Variants in SLC4A4 observed in about 807,000 individuals in gnomAD.
SLC4A4 encodes the protein solute carrier family 4 member 4, also known as electrogenic sodium bicarbonate cotransporter 1.
Under a neutral mutation model 111.5 loss-of-function variants are expected in SLC4A4, and 27 were observed. That is an observed-to-expected ratio of 0.24 (90% CI 0.18 to 0.33). The LOEUF is 0.33. Ranked by LOEUF, SLC4A4 falls within the 10% of genes least tolerant of loss-of-function variation. SLC4A4 has a pLI of 1.00. For synonymous variants in SLC4A4, 443 were observed against 463.4 expected, an observed-to-expected ratio of 0.96 and a Z score of 0.57; for missense variants, 909 against 1,315.5, an observed-to-expected ratio of 0.69 and a Z score of 4.78.
At chr4:71,181,190 G>A (rs1745280770) in intron 2 of SLC4A4, among the ~76,000 whole-genome samples, 1 of 124,574 alleles carries the variant, frequency 8.0e-6, no homozygotes, top group African/African-American at 3.0e-5. Flanking sequence ...ACAGGAAGGG[G>A]AACATCACAC....
intron 4 of SLC4A4, among the ~76,000 whole-genome samples, chr4:71,348,382 G>C (rs986064451): frequency 3.3e-5 from 5 of 151,418 alleles, no homozygotes; most frequent in Non-Finnish European, 5.9e-5. Flanking sequence ...GTTTTGGAAT[G>C]TGTCACAGCT....
At chr4:71,370,449 GA>G (rs1198058407) in intron 6 of SLC4A4, among the ~76,000 whole-genome samples, 2 of 152,098 alleles carry the variant, frequency 1.3e-5, no homozygotes, top group African/African-American at 4.8e-5. Context: ...GCCTCTTGGG[GA>G]AAAAAATTTC....
chr4:71,567,387 GTTC>G (rs1737582611), intron 25 of SLC4A4, among the ~76,000 whole-genome samples: 1 of 151,696 alleles, frequency 6.6e-6, no homozygotes, highest in Non-Finnish European at 1.5e-5. Context: ...CTTTCTGACA[GTTC>G]TTCTCCAGTG....
intron 6 of SLC4A4, among the ~76,000 whole-genome samples, chr4:71,381,768 G>A (rs1431607247): frequency 1.3e-5 from 2 of 152,118 alleles, no homozygotes; most frequent in African/African-American, 4.8e-5. Flanking sequence ...CCAGGCTGGA[G>A]TGAGGTGGTG....
chr4:71,264,326 T>C (rs1041869990), intron 3 of SLC4A4, among the ~76,000 whole-genome samples: 7 of 152,176 alleles, frequency 4.6e-5, no homozygotes, highest in Non-Finnish European at 1.0e-4. Flanking sequence ...CTGATGGTGA[T>C]GGTATTGTTA....
chr4:71,522,176 C>G (rs1159114568), intron 16 of SLC4A4, among the ~76,000 whole-genome samples: 1 of 152,168 alleles, frequency 6.6e-6, no homozygotes, highest in Non-Finnish European at 1.5e-5. Flanking sequence ...GTGTATCAGT[C>G]TGTTATCCCA....
intron 8 of SLC4A4, among the ~76,000 whole-genome samples, chr4:71,442,204 C>T (rs1310119108): frequency 2.0e-5 from 3 of 152,182 alleles, no homozygotes; most frequent in African/African-American, 7.2e-5. Flanking sequence ...AATACGCATT[C>T]ATTGAGAGCA....
Position 71,400,977 on chromosome 4 carries a change from C to T in SLC4A4, c.807+3324C>T, listed in dbSNP as rs551073578. ...ACTCAAACTTGTCTTGTGTACTTGTCCAAGTTGGCCCCAAAAACTTCCATT... is the reference window on the plus strand; with the variant it reads ...ACTCAAACTTGTCTTGTGTACTTGTTCAAGTTGGCCCCAAAAACTTCCATT... On this transcript the variant is annotated intron_variant, in intron 7 of 25. Coordinates refer to ENST00000264485, the MANE Select transcript of SLC4A4 (RefSeq NM_001098484.3). Among the ~76,000 whole-genome samples the T allele has an allele frequency of 4.6e-5, 7 of 152,218 alleles. No homozygotes were observed. In the South Asian group the frequency reaches 1.5e-3, roughly 32 times the overall value.
intron 2 of SLC4A4, among the ~76,000 whole-genome samples, chr4:71,169,531 C>T (rs964672769): frequency 8.5e-5 from 13 of 152,064 alleles, no homozygotes; most frequent in African/African-American, 2.7e-4. Context: ...ATCTTTTGCC[C>T]ATTTTTAAAT....
intron 16 of SLC4A4, among the ~76,000 whole-genome samples, chr4:71,511,600 A>T (rs1300561276): frequency 6.6e-6 from 1 of 151,996 alleles, no homozygotes; most frequent in Non-Finnish European, 1.5e-5. Flanking sequence ...TATGTGTGAG[A>T]TTTTGTTATA....
chr4:71,213,518 T>C lies in SLC4A4; in HGVS notation c.-1-23058T>C, dbSNP rs1718254100. Among the ~76,000 whole-genome samples the C allele has an allele frequency of 4.6e-5, 7 of 152,314 alleles. No individual in the cohort carries two copies. The South Asian group carries it at 1.5e-3, about 32-fold the overall frequency. On this transcript the variant is annotated intron_variant, in intron 1 of 25. Transcript: ENST00000264485. ...TTTTCATGGCATACTAATTGCTCTT[T>C]ATTAAGAGTCATTTCTGTGGCTGTC...
intron 14 of SLC4A4, among the ~76,000 whole-genome samples, chr4:71,481,449 C>T (rs1728873816): frequency 6.6e-6 from 1 of 151,608 alleles, no homozygotes; most frequent in South Asian, 2.1e-4. Context: ...CAGATACTCC[C>T]CTATGCAAGA....
chr4:71,302,365 T>A lies in SLC4A4; in HGVS notation c.254-37005T>A, dbSNP rs75067910. 1.1e-4 allele frequency among the ~76,000 whole-genome samples: 16 copies of A among 152,340 alleles called. 1 individual carries two copies. The East Asian group carries it at 3.1e-3, about 29-fold the overall frequency. On this transcript the variant is annotated intron_variant, in intron 3 of 25. Transcript: ENST00000264485. ...TTACTTATAAAATGATATTTCTATATAACTTAAAAGGTCCCTTCCAGACCT... is the reference window on the plus strand; with the variant it reads ...TTACTTATAAAATGATATTTCTATAAAACTTAAAAGGTCCCTTCCAGACCT...
chr4:71,409,364 A>C (rs1721155283), intron 7 of SLC4A4, among the ~76,000 whole-genome samples: 1 of 152,204 alleles, frequency 6.6e-6, no homozygotes, highest in Non-Finnish European at 1.5e-5. Flanking sequence ...TATGAACAAT[A>C]AGGTTCAGGC....
chr4:71,522,597 C>T (rs1733054258), intron 16 of SLC4A4, among the ~76,000 whole-genome samples: 1 of 152,182 alleles, frequency 6.6e-6, no homozygotes, highest in Admixed American at 6.5e-5. Flanking sequence ...GATATAGTCA[C>T]ATTCAGTGTG....
chr4:71,484,419 A>G lies in SLC4A4; in HGVS notation c.1904-2529A>G, dbSNP rs571376008. Among the ~76,000 whole-genome samples the G allele has an allele frequency of 2.6e-5, 4 of 151,924 alleles. No individual in the cohort carries two copies. In the East Asian group the frequency reaches 7.8e-4, roughly 30 times the overall value. On this transcript the variant is annotated intron_variant, in intron 14 of 25. Coordinates refer to ENST00000264485, the MANE Select transcript of SLC4A4 (RefSeq NM_001098484.3). ...TCAGCCAGTTATCCCAGTACTACTTATTGAATAGGGAATCCTATTGCTTCT... is the reference window on the plus strand; with the variant it reads ...TCAGCCAGTTATCCCAGTACTACTTGTTGAATAGGGAATCCTATTGCTTCT...
intron 18 of SLC4A4, among the ~76,000 whole-genome samples, chr4:71,536,492 A>ATATATATATATT (rs1246136965): frequency 5.5e-5 from 7 of 126,622 alleles, no homozygotes; most frequent in Non-Finnish European, 1.0e-4. Context: ...ATATATGTAT[A>ATATATATATATT]TATTTATTTA....
intron 15 of SLC4A4, 143 bp downstream of exon 15, chr4:71,487,161 C>G: frequency 4.1e-6 from 2 of 489,620 alleles, no homozygotes; most frequent in Non-Finnish European, 7.4e-6. Context: ...AGTGGAGGGA[C>G]GGGAAAAAAA....
intron 6 of SLC4A4, among the ~76,000 whole-genome samples, chr4:71,374,307 G>T (rs1732147456): frequency 6.6e-6 from 1 of 151,598 alleles, no homozygotes; most frequent in Non-Finnish European, 1.5e-5. Flanking sequence ...GTATATTTTT[G>T]GCCTTTAAAA....
Sources: gnomAD v4.1 joint callset for allele counts (sites outside exome capture counted in the v4.1 genomes callset) on GRCh38, gnomAD v4.1.1 for gene constraint, MANE v1.5 for transcripts, NCBI Gene and HGNC (gene_info 2026-07-23, HGNC 2026-07-21) for gene names.